Variants in ARPC5L observed in about 807,000 individuals in gnomAD.
ARPC5L encodes the protein actin related protein 2/3 complex subunit 5 like, also known as actin-related protein 2/3 complex subunit 5-like protein.
In ARPC5L, 4 loss-of-function variants were observed where a neutral mutation model predicts 16.9. That is an observed-to-expected ratio of 0.24 (90% CI 0.12 to 0.54). ARPC5L has a LOEUF of 0.54. Ranked by LOEUF, ARPC5L falls within the 20% of genes least tolerant of loss-of-function variation. The pLI is 0.95. For synonymous variants in ARPC5L, 78 were observed against 82.6 expected (o/e 0.94, Z 0.30); for missense variants, 151 against 201.9 (o/e 0.75, Z 1.53).
chr9:124,873,613 G>T, intron 3 of ARPC5L, 79 bp from the exon 4 acceptor site: 1 of 1,515,900 alleles, frequency 6.6e-7, no homozygotes, highest in Non-Finnish European at 9.2e-7. Context: ...CTCTGTTCCT[G>T]AGCTGTTTCT....
In ARPC5L at chr9:124,869,242, G is replaced by C. The variant is rs1305437308; in HGVS notation, c.-49G>C. ...GAGCCGGTGCGAGCGGAGCAGAGCC[G>C]AGGTCGGGCCGCGAGCGGAGCCGGC... is the stretch of plus-strand genomic sequence containing the variant. On this transcript the variant is annotated 5_prime_UTR_variant, in exon 3 of 6. Transcript: ENST00000353214. 2 of 1,477,766 alleles carry C rather than the reference G, an allele frequency of 1.4e-6. No homozygotes were observed. The highest frequency in any genetic ancestry group is 1.5e-5 in the African/African-American group (1 of 67,640). The allele number at this position is 1,477,766 out of a possible 1,614,324, so 91.5% of individuals were successfully genotyped here. A position where few individuals can be genotyped will look rare whatever the true frequency, so the allele number is the denominator to read the frequency against.
At position 124,877,094 on chromosome 9, in the gene ARPC5L, G is replaced by T; in HGVS notation, c.*154G>T. On this transcript the variant is annotated 3_prime_UTR_variant, in exon 6 of 6. Coordinates refer to ENST00000353214, the MANE Select transcript of ARPC5L (RefSeq NM_030978.3). ...AATGTATTTTATTTTCAAGGTGGAG[G>T]GGAAAATCGTCTGTTTCCTAAATCC... is the stretch of plus-strand genomic sequence containing the variant. 1.5e-6 allele frequency: 1 copy of T among 649,328 alleles called. No homozygotes were observed. 40.2% of individuals were successfully genotyped at this position (649,328 alleles called of 1,614,324 possible). A position where few individuals can be genotyped will look rare whatever the true frequency, so the allele number is the denominator to read the frequency against.
At position 124,877,636 on chromosome 9, in the gene ARPC5L, A is replaced by ATAAAC. The variant is rs1038926675; in HGVS notation, c.*699_*703dup. 3 of 152,254 alleles carry ATAAAC rather than the reference A, an allele frequency of 2.0e-5. No individual in the cohort carries two copies. Among genetic ancestry groups the ATAAAC allele is most frequent in the East Asian group, 1.9e-4 (1 of 5,204 alleles). 9.4% of individuals were successfully genotyped at this position (152,254 alleles called of 1,614,324 possible). On this transcript the variant is annotated 3_prime_UTR_variant, in exon 6 of 6. Transcript: ENST00000353214. ...GCTGCTGCAGAGAGGTGTTTGCTGA[A>ATAAAC]TAAACTATTTATTGTTTCTTATTCC...
At position 124,877,021 on chromosome 9, in the gene ARPC5L, C is replaced by A; in HGVS notation, c.*81C>A. 1 of 1,115,772 alleles carries A rather than the reference C, an allele frequency of 9.0e-7. No homozygotes were observed. Among genetic ancestry groups the A allele is most frequent in the Non-Finnish European group, 1.3e-6 (1 of 770,616 alleles). The allele number at this position is 1,115,772 out of a possible 1,614,324, so 69.1% of individuals were successfully genotyped here. ...GAAGAAGGGATTGACAATGGACCATCTTCCTAGGAACTCCCAAGTAAACTA... is the reference window on the plus strand; with the variant it reads ...GAAGAAGGGATTGACAATGGACCATATTCCTAGGAACTCCCAAGTAAACTA... On this transcript the variant is annotated 3_prime_UTR_variant, in exon 6 of 6. Coordinates refer to ENST00000353214, the MANE Select transcript of ARPC5L (RefSeq NM_030978.3).
intron 2 of ARPC5L, among the ~76,000 whole-genome samples, chr9:124,868,036 T>A (rs922323105): frequency 6.6e-6 from 1 of 152,162 alleles, no homozygotes; most frequent in Non-Finnish European, 1.5e-5. Context: ...CTCAAACTTC[T>A]GACCTCAGGT....
intron 2 of ARPC5L, among the ~76,000 whole-genome samples, chr9:124,866,241 T>TA (rs1177641098): frequency 6.6e-6 from 1 of 151,036 alleles, no homozygotes; most frequent in Non-Finnish European, 1.5e-5. Context: ...CTGTCTCTAC[T>TA]AAAAATACAA....
rs1462939803 is a variant in ARPC5L at position 124,862,277 on chromosome 9, G to A, written c.-1105G>A. The A allele has an allele frequency of 1.6e-5, 4 of 247,526 alleles. No homozygotes were observed. Among genetic ancestry groups the A allele is most frequent in the African/African-American group, 4.5e-5 (2 of 44,670 alleles). 15.3% of individuals were successfully genotyped at this position (247,526 alleles called of 1,614,324 possible). A position where few individuals can be genotyped will look rare whatever the true frequency, so the allele number is the denominator to read the frequency against. On this transcript the variant is annotated 5_prime_UTR_variant, in exon 1 of 6. Transcript: ENST00000353214. Reference sequence around the variant, plus strand: ...CAGTCATTCGTTCATTCATTCCTTCGGGAAACCTTGCAGATCTCCCAATCT... The same window carrying A: ...CAGTCATTCGTTCATTCATTCCTTCAGGAAACCTTGCAGATCTCCCAATCT...
chr9:124,876,440 C>T (rs576582533), intron 5 of ARPC5L, among the ~76,000 whole-genome samples: 9 of 152,238 alleles, frequency 5.9e-5, no homozygotes, highest in Admixed American at 3.3e-4. Context: ...GAGCCGAGAT[C>T]GTGCCATTGC....
chr9:124,869,732 CCCTCCTTG>C (rs1012476701), intron 3 of ARPC5L, among the ~76,000 whole-genome samples: 322 of 152,352 alleles, frequency 2.1e-3, no homozygotes, highest in Non-Finnish European at 2.6e-3. Flanking sequence ...GCGCCCTCTT[CCCTCCTTG>C]CCTCCTCGTC....
chr9:124,863,494 T>C (rs2131328332), intron 1 of ARPC5L, among the ~76,000 whole-genome samples: 1 of 152,358 alleles, frequency 6.6e-6, no homozygotes, highest in South Asian at 2.1e-4. Context: ...AAATTCTTGC[T>C]CTGCTGCCAA....
chr9:124,865,877 C>T lies in ARPC5L; in HGVS notation c.-864+1770C>T, dbSNP rs577013229. On this transcript the variant is annotated intron_variant, in intron 2 of 5. Transcript: ENST00000353214. ...ATCCCAGCACTTTGGGAGGCCAAGG[C>T]GGGCAGATCATGAGGTCACGAGTTC... is the stretch of plus-strand genomic sequence containing the variant. 2.6e-4 allele frequency among the ~76,000 whole-genome samples: 40 copies of T among 151,478 alleles called. No homozygotes were observed. The East Asian group carries it at 6.4e-3, about 24-fold the overall frequency.
At chr9:124,875,476 T>C (rs1223262062) in intron 5 of ARPC5L, among the ~76,000 whole-genome samples, 1 of 152,180 alleles carries the variant, frequency 6.6e-6, no homozygotes, top group Non-Finnish European at 1.5e-5. Flanking sequence ...GAAGGGGGCC[T>C]GCTGGTTGGT....
In ARPC5L at chr9:124,869,246, TC is replaced by T; in HGVS notation, c.-44del. ...CGGTGCGAGCGGAGCAGAGCCGAGG[TC>T]GGGCCGCGAGCGGAGCCGGCTGAGC... On this transcript the variant is annotated 5_prime_UTR_variant, in exon 3 of 6. Coordinates refer to ENST00000353214, the MANE Select transcript of ARPC5L (RefSeq NM_030978.3). The T allele has an allele frequency of 6.8e-7, 1 of 1,480,898 alleles. No homozygotes were observed. The highest frequency in any genetic ancestry group is 8.9e-7 in the Non-Finnish European group (1 of 1,117,550). The allele number at this position is 1,480,898 out of a possible 1,614,324, so 91.7% of individuals were successfully genotyped here. A position where few individuals can be genotyped will look rare whatever the true frequency, so the allele number is the denominator to read the frequency against.
chr9:124,875,694 T>C (rs894970538), intron 5 of ARPC5L, among the ~76,000 whole-genome samples: 1 of 152,176 alleles, frequency 6.6e-6, no homozygotes, highest in Non-Finnish European at 1.5e-5. Context: ...TGGGTCCGTG[T>C]GAGAGCAAGG....
intron 5 of ARPC5L, among the ~76,000 whole-genome samples, chr9:124,876,083 T>C (rs1398733334): frequency 6.6e-6 from 1 of 152,198 alleles, no homozygotes; most frequent in Non-Finnish European, 1.5e-5. Context: ...GTCAGTGGGC[T>C]TGTGTGCATC....
At chr9:124,865,789 T>C (rs1444247101) in intron 2 of ARPC5L, among the ~76,000 whole-genome samples, 1 of 150,706 alleles carries the variant, frequency 6.6e-6, no homozygotes, top group Non-Finnish European at 1.5e-5. Context: ...CAAAACTCCA[T>C]CTCAAAAAAA....
At chr9:124,876,034 A>C (rs1031444357) in intron 5 of ARPC5L, among the ~76,000 whole-genome samples, 6 of 152,090 alleles carry the variant, frequency 3.9e-5, no homozygotes, top group Non-Finnish European at 8.8e-5. Context: ...CGTCCCTTTA[A>C]GGCAGCTTGG....
intron 4 of ARPC5L, among the ~76,000 whole-genome samples, chr9:124,874,055 C>T (rs1829399437): frequency 6.6e-6 from 1 of 152,240 alleles, no homozygotes; most frequent in Non-Finnish European, 1.5e-5. Context: ...TGAATTCGCT[C>T]ACCTGTGGTG....
At chr9:124,874,701 T>C (rs1256880278) in intron 4 of ARPC5L, among the ~76,000 whole-genome samples, 1 of 137,500 alleles carries the variant, frequency 7.3e-6, no homozygotes, top group East Asian at 2.2e-4. Context: ...CTCTCCCTCT[T>C]TTCTCTTCTC....
Sources: gnomAD v4.1 joint callset for allele counts (sites outside exome capture counted in the v4.1 genomes callset) on GRCh38, gnomAD v4.1.1 for gene constraint, MANE v1.5 for transcripts, NCBI Gene and HGNC (gene_info 2026-07-23, HGNC 2026-07-21) for gene names.